ARHGEF33: variants seen among roughly 807,000 people sequenced by gnomAD.
The protein encoded by ARHGEF33 is DH and coiled-coil domain-containing protein ENSP00000381780.
ARHGEF33 carries 72 observed loss-of-function variants against 101.9 expected under a neutral mutation model. That is an observed-to-expected ratio of 0.71 (90% CI 0.58 to 0.86). ARHGEF33 has a LOEUF of 0.86. ARHGEF33 is among the 40% of genes least tolerant of loss of function. The pLI, the probability that ARHGEF33 is intolerant of heterozygous loss-of-function variation, is 0.00. For missense variants in ARHGEF33, 1,169 were observed against 1,111.3 expected, an observed-to-expected ratio of 1.05 and a Z score of -0.74; for synonymous variants, 499 against 442.5, an observed-to-expected ratio of 1.13 and a Z score of -1.60.
At chr2:38,935,983 G>A in intron 8 of ARHGEF33, 149 bp downstream of exon 8, 1 of 702,518 alleles carries the variant, frequency 1.4e-6, no homozygotes. Flanking sequence ...ATTCCAAGAT[G>A]TGTACTAGAG....
rs1667888540 is a variant in ARHGEF33, at chr2:38,960,318, C to A, written c.2013C>A (p.His671Gln). The A allele has an allele frequency of 1.3e-6, 2 of 1,542,348 alleles. No individual in the cohort carries two copies. The highest frequency in any genetic ancestry group is 2.0e-5 in the Admixed American group (1 of 50,902). ...SFAMEAERPE[H>Q]PLQPLPKSAT... ...CCATGGAGGCCGAGCGGCCGGAGCA[C>A]CCGCTGCAGCCGCTGCCCAAGAGCG... The change falls in exon 16 of 18, where the codon CAC (histidine) becomes CAA (glutamine). Residue 671 changes from histidine to glutamine, a missense_variant. Physicochemically the swap from His to Gln is conservative, Grantham distance 24. Coordinates refer to ENST00000409978, the MANE Select transcript of ARHGEF33 (RefSeq NM_001145451.5).
chr2:38,972,071 T>G (rs554823005), intron 17 of ARHGEF33: 1 of 669,762 alleles, frequency 1.5e-6, no homozygotes, highest in Non-Finnish European at 2.8e-6. Context: ...GACTTTCTGA[T>G]GAGAAACTGT....
intron 2 of ARHGEF33, among the ~76,000 whole-genome samples, chr2:38,903,362 G>A (rs1666293803): frequency 6.6e-6 from 1 of 151,962 alleles, no homozygotes; most frequent in Admixed American, 6.6e-5. Flanking sequence ...AAAATGTATA[G>A]GAAGAAGTTA....
At chr2:38,893,927 G>A (rs908213340) in intron 1 of ARHGEF33, among the ~76,000 whole-genome samples, 1 of 152,202 alleles carries the variant, frequency 6.6e-6, no homozygotes, top group African/African-American at 2.4e-5. Flanking sequence ...AAGGGCTGGA[G>A]TGAAGACTTC....
chr2:38,901,409 C>A (rs935093007), intron 2 of ARHGEF33, among the ~76,000 whole-genome samples: 1 of 152,194 alleles, frequency 6.6e-6, no homozygotes, highest in Non-Finnish European at 1.5e-5. Flanking sequence ...CACTGCTGAG[C>A]TGAGGCTGTG....
rs1160858003 is a variant in ARHGEF33, at chr2:38,971,994, G to T, written c.2484-1720G>T. On this transcript the variant is annotated intron_variant, in intron 17 of 17. Coordinates refer to ENST00000409978, the MANE Select transcript of ARHGEF33 (RefSeq NM_001145451.5). The stretch of plus-strand genomic sequence containing the variant: ...GGAACCATCAAAGTGTGACATGTTG[G>T]GTTTTGGATAGACCAGATGTAGCTA... 10 of 717,894 alleles carry T rather than the reference G, an allele frequency of 1.4e-5. No individual in the cohort carries two copies. The East Asian group carries it at 2.7e-4, about 19-fold the overall frequency. 44.5% of individuals were successfully genotyped at this position (717,894 alleles called of 1,614,324 possible). A position where few individuals can be genotyped will look rare whatever the true frequency, so the allele number is the denominator to read the frequency against.
chr2:38,964,181 G>T (rs1336462846), intron 16 of ARHGEF33, among the ~76,000 whole-genome samples: 2 of 152,136 alleles, frequency 1.3e-5, no homozygotes, highest in African/African-American at 4.8e-5. Context: ...AAGATGGGAT[G>T]CTGGAAATGG....
At chr2:38,933,612 A>G (rs891246255) in intron 7 of ARHGEF33, among the ~76,000 whole-genome samples, 7 of 152,122 alleles carry the variant, frequency 4.6e-5, no homozygotes, top group Middle Eastern at 3.2e-3. Context: ...TCCTGACCTC[A>G]AGTGATCTGT....
intron 2 of ARHGEF33, among the ~76,000 whole-genome samples, chr2:38,917,443 C>A (rs897881920): frequency 3.0e-4 from 46 of 152,038 alleles, no homozygotes; most frequent in Admixed American, 3.0e-3. Flanking sequence ...TGTAAGATAA[C>A]CCAATTAAAA....
chr2:38,935,878 A>G, intron 8 of ARHGEF33, 44 bp downstream of exon 8: 1 of 1,449,638 alleles, frequency 6.9e-7, no homozygotes, highest in Non-Finnish European at 9.5e-7. Flanking sequence ...CAGCAATTCC[A>G]TTATTTTCCA....
At chr2:38,903,735 T>A (rs1286566663) in intron 2 of ARHGEF33, among the ~76,000 whole-genome samples, 1 of 152,230 alleles carries the variant, frequency 6.6e-6, no homozygotes. Context: ...GCAAATACCC[T>A]TTAGGGCCTA....
intron 2 of ARHGEF33, among the ~76,000 whole-genome samples, chr2:38,896,989 C>T (rs1666136172): frequency 6.6e-6 from 1 of 152,174 alleles, no homozygotes; most frequent in Admixed American, 6.5e-5. Context: ...GATCTTGGCT[C>T]ACTGCAACCT....
In ARHGEF33 at chr2:38,905,986, G is replaced by A. The variant is rs141843626; in HGVS notation, c.-86+10137G>A. Among the ~76,000 whole-genome samples, 406 of 152,230 alleles carry A rather than the reference G, an allele frequency of 2.7e-3. 1 individual carries two copies. Among genetic ancestry groups the A allele is most frequent in the Middle Eastern group, 0.01 (3 of 294 alleles). ...AAGCCAGGTGTGGTGGCTCATGCCT[G>A]TAATCCCAACACTTTGGGAGGACCA... On this transcript the variant is annotated intron_variant, in intron 2 of 17. Transcript: ENST00000409978.
At chr2:38,952,645 G>A (rs1371332774) in intron 11 of ARHGEF33, among the ~76,000 whole-genome samples, 1 of 152,068 alleles carries the variant, frequency 6.6e-6, no homozygotes, top group East Asian at 1.9e-4. Context: ...GGGATGCTGA[G>A]TTTTGATTCC....
In ARHGEF33 at chr2:38,960,332, T is replaced by C. The variant is rs1391796333; in HGVS notation, c.2027T>C (p.Leu676Pro). Reference sequence around the variant, plus strand: ...CGGCCGGAGCACCCGCTGCAGCCGCTGCCCAAGAGCGCTACGTCGCCGGCG... The same window carrying C: ...CGGCCGGAGCACCCGCTGCAGCCGCCGCCCAAGAGCGCTACGTCGCCGGCG... Reference protein sequence around the residue: ...AERPEHPLQPLPKSATSPAGS... With the variant: ...AERPEHPLQPPPKSATSPAGS... The change falls in exon 16 of 18, where the codon CTG becomes CCG. Residue 676 changes from leucine to proline, a missense_variant. By Grantham distance (98) the Leu-to-Pro change is moderately conservative. Coordinates refer to ENST00000409978, the MANE Select transcript of ARHGEF33 (RefSeq NM_001145451.5). 1.3e-5 allele frequency: 20 copies of C among 1,538,974 alleles called. No homozygotes were observed. Among genetic ancestry groups the C allele is most frequent in the Admixed American group, 2.0e-5 (1 of 50,796 alleles).
intron 13 of ARHGEF33, among the ~76,000 whole-genome samples, chr2:38,956,100 G>C (rs1054195396): frequency 6.6e-6 from 1 of 152,114 alleles, no homozygotes; most frequent in Non-Finnish European, 1.5e-5. Context: ...AGAAAATGCA[G>C]GGCCAAATAA....
intron 16 of ARHGEF33, among the ~76,000 whole-genome samples, chr2:38,965,025 C>A (rs777669456): frequency 6.6e-6 from 1 of 151,642 alleles, no homozygotes; most frequent in Non-Finnish European, 1.5e-5. Context: ...CCCCAGTTCT[C>A]AAAGTCAGAC....
At chr2:38,890,968 GT>G (rs11380408) in intron 1 of ARHGEF33, among the ~76,000 whole-genome samples, 3 of 145,022 alleles carry the variant, frequency 2.1e-5, no homozygotes, top group Admixed American at 6.9e-5. Flanking sequence ...CATACTATTG[GT>G]TTTTTTTTTT....
intron 14 of ARHGEF33, 60 bp from the exon 15 acceptor site, chr2:38,957,974 G>T: frequency 6.6e-7 from 1 of 1,523,896 alleles, no homozygotes; most frequent in Admixed American, 2.0e-5. Context: ...GGCATAATAT[G>T]TGTTCAGAGA....
Sources: gnomAD v4.1 joint callset for allele counts (sites outside exome capture counted in the v4.1 genomes callset) on GRCh38, gnomAD v4.1.1 for gene constraint, MANE v1.5 for transcripts, NCBI Gene and HGNC (gene_info 2026-07-23, HGNC 2026-07-21) for gene names.